The following BLTP1 variants were observed in gnomAD, a reference collection of about 807,000 sequenced individuals.
BLTP1 encodes fragile site-associated protein.
chr4:122,335,379 T>G, the BLTP1 span, among the ~76,000 whole-genome samples: 2 of 152,056 alleles, frequency 1.3e-5, no homozygotes, highest in African/African-American at 4.8e-5. Flanking sequence ...GATCATTGAA[T>G]GTCATCTTGG....
At chr4:122,157,004 T>G in the BLTP1 span, among the ~76,000 whole-genome samples, 1 of 152,196 alleles carries the variant, frequency 6.6e-6, no homozygotes, top group Admixed American at 6.5e-5. Context: ...TGGTTCACTC[T>G]TGTAATCAGT....
the BLTP1 span, chr4:122,264,011 A>AGTAT: frequency 4.0e-5 from 27 of 679,402 alleles, 1 homozygote; most frequent in African/African-American, 7.8e-5. Flanking sequence ...AATCTAAAAC[A>AGTAT]GTATGTATGT....
the BLTP1 span, chr4:122,340,626 T>C: frequency 1.8e-6 from 1 of 570,072 alleles, no homozygotes; most frequent in Non-Finnish European, 2.2e-6. Context: ...GTGTGAATCT[T>C]TGAAAGTTTT....
chr4:122,246,731 G>A, the BLTP1 span: 1 of 1,612,032 alleles, frequency 6.2e-7, no homozygotes, highest in East Asian at 2.2e-5. Flanking sequence ...TCCAACTACG[G>A]CTCCTAGTAG....
chr4:122,268,794 T>C, the BLTP1 span, among the ~76,000 whole-genome samples: 7,589 of 152,270 alleles, frequency 0.05, 268 homozygotes, highest in Non-Finnish European at 0.075. Flanking sequence ...CATATTGTGC[T>C]TTCTGTGCAT....
At chr4:122,330,403 GT>G in the BLTP1 span, among the ~76,000 whole-genome samples, 1 of 151,642 alleles carries the variant, frequency 6.6e-6, no homozygotes, top group African/African-American at 2.4e-5. Context: ...TTTGCTTTTT[GT>G]TTAAATAATA....
At chr4:122,243,188 A>G in the BLTP1 span, 2 of 1,060,256 alleles carry the variant, frequency 1.9e-6, no homozygotes, top group Non-Finnish European at 2.7e-6. Context: ...TAAATTACCA[A>G]AATAATTCAG....
chr4:122,305,194 C>T, the BLTP1 span: 8 of 983,314 alleles, frequency 8.1e-6, no homozygotes, highest in African/African-American at 1.2e-4. Context: ...CAGATGCACT[C>T]ACATAAAACT....
chr4:122,205,880 A>G, the BLTP1 span: 3 of 890,552 alleles, frequency 3.4e-6, no homozygotes, highest in Non-Finnish European at 4.0e-6. Flanking sequence ...TGAGTTTGAC[A>G]CCTCTAGGAG....
At chr4:122,342,897 T>G in the BLTP1 span, among the ~76,000 whole-genome samples, 1 of 152,212 alleles carries the variant, frequency 6.6e-6, no homozygotes, top group Non-Finnish European at 1.5e-5. Context: ...TTTTTTATGT[T>G]TTTGGAATTT....
the BLTP1 span, chr4:122,161,099 G>A: frequency 3.1e-6 from 3 of 976,356 alleles, no homozygotes; most frequent in East Asian, 1.1e-4. Context: ...AGTGTATGTT[G>A]GTGGAGTTCA....
the BLTP1 span, chr4:122,339,450 T>A: frequency 7.1e-7 from 1 of 1,401,358 alleles, no homozygotes; most frequent in Non-Finnish European, 9.7e-7. Context: ...TAAAGCCAAA[T>A]ACTATTTTTA....
the BLTP1 span, among the ~76,000 whole-genome samples, chr4:122,191,191 G>A: frequency 1.3e-5 from 2 of 152,106 alleles, no homozygotes; most frequent in African/African-American, 4.8e-5. Context: ...CACATAAAGT[G>A]CTTGTGCTGC....
the BLTP1 span, chr4:122,183,172 C>CA: frequency 7.0e-6 from 3 of 430,314 alleles, no homozygotes; most frequent in Admixed American, 6.4e-5. Context: ...CCTGTTTCTA[C>CA]AAAAAATACA....
the BLTP1 span, chr4:122,356,849 G>C: frequency 1.1e-5 from 16 of 1,500,714 alleles, no homozygotes; most frequent in Non-Finnish European, 1.4e-5. Context: ...AAAATGAGTG[G>C]AATATATCTC....
chr4:122,189,804 A>G, the BLTP1 span: 1 of 905,610 alleles, frequency 1.1e-6, no homozygotes, highest in Non-Finnish European at 1.3e-6. Context: ...CCAACATAGA[A>G]TAAAACATGG....
chr4:122,286,243 T>C, the BLTP1 span: 1 of 187,038 alleles, frequency 5.3e-6, no homozygotes, highest in East Asian at 1.9e-4. Context: ...GGGCACTTTA[T>C]TTCTGTTCTA....
At chr4:122,196,678 C>A in the BLTP1 span, 3 of 1,609,950 alleles carry the variant, frequency 1.9e-6, no homozygotes, top group Non-Finnish European at 2.5e-6. Context: ...CTATCAAGTT[C>A]TGAAAGTTTC....
the BLTP1 span, among the ~76,000 whole-genome samples, chr4:122,179,335 C>T: frequency 6.6e-6 from 1 of 151,954 alleles, no homozygotes; most frequent in Non-Finnish European, 1.5e-5. Context: ...AAAAGAGAAA[C>T]ATTTAGCTCA....
Sources: gnomAD v4.1 joint callset for allele counts (sites outside exome capture counted in the v4.1 genomes callset) on GRCh38, gnomAD v4.1.1 for gene constraint, MANE v1.5 for transcripts, NCBI Gene and HGNC (gene_info 2026-07-23, HGNC 2026-07-21) for gene names.